The following NDST3 variants were observed in gnomAD, a reference collection of about 807,000 sequenced individuals.
NDST3 encodes the protein bifunctional heparan sulfate N-deacetylase/N-sulfotransferase 3.
In NDST3, 58 loss-of-function variants were observed where a neutral mutation model predicts 96.1. That is an observed-to-expected ratio of 0.60 (90% CI 0.49 to 0.75). The LOEUF is 0.75. Among genes scored for constraint, NDST3 ranks in the 30% least tolerant of loss-of-function variants. The pLI is 0.00. For synonymous variants in NDST3, 333 were observed against 359.7 expected, an observed-to-expected ratio of 0.93 and a Z score of 0.84; for missense variants, 788 against 1,034.2, an observed-to-expected ratio of 0.76 and a Z score of 3.27.
chr4:118,159,975 A>C (rs909239707), intron 6 of NDST3, among the ~76,000 whole-genome samples: 1 of 152,216 alleles, frequency 6.6e-6, no homozygotes, highest in Non-Finnish European at 1.5e-5. Flanking sequence ...AAGAGAAGAA[A>C]GAGAGAACAA....
At chr4:118,199,477 A>C (rs1248414282) in intron 6 of NDST3, among the ~76,000 whole-genome samples, 1 of 152,016 alleles carries the variant, frequency 6.6e-6, no homozygotes, top group African/African-American at 2.4e-5. Context: ...GTTATCTTGA[A>C]TTTCTTTGGG....
At chr4:118,235,125 T>C (rs1298482169) in intron 9 of NDST3, among the ~76,000 whole-genome samples, 4 of 151,988 alleles carry the variant, frequency 2.6e-5, no homozygotes, top group Non-Finnish European at 5.9e-5. Context: ...AAAAATCCCA[T>C]TTTTCAGGTA....
chr4:118,036,380 G>A (rs1724151328), intron 1 of NDST3, among the ~76,000 whole-genome samples: 1 of 152,052 alleles, frequency 6.6e-6, no homozygotes, highest in African/African-American at 2.4e-5. Context: ...TTGAATTAAG[G>A]ATAAAAACAC....
chr4:118,254,546 A>G (rs1173626323), intron 13 of NDST3, among the ~76,000 whole-genome samples: 3 of 152,128 alleles, frequency 2.0e-5, no homozygotes, highest in African/African-American at 7.2e-5. Flanking sequence ...TCTATACCCC[A>G]CATTTTTACT....
intron 2 of NDST3, among the ~76,000 whole-genome samples, chr4:118,070,554 T>A (rs1248365472): frequency 1.3e-5 from 2 of 152,224 alleles, no homozygotes; most frequent in Non-Finnish European, 2.9e-5. Flanking sequence ...TCCATAAGCT[T>A]ACTTTTAATT....
chr4:118,129,853 T>G (rs1732460082), intron 4 of NDST3, among the ~76,000 whole-genome samples: 1 of 152,060 alleles, frequency 6.6e-6, no homozygotes, highest in Non-Finnish European at 1.5e-5. Flanking sequence ...TTTTTTTATA[T>G]AGCTGTGTGC....
intron 2 of NDST3, among the ~76,000 whole-genome samples, chr4:118,061,402 G>A (rs1044315856): frequency 5.3e-5 from 8 of 152,128 alleles, no homozygotes; most frequent in African/African-American, 1.9e-4. Context: ...CACCAATGAT[G>A]TGCTAAAACT....
chr4:118,037,357 C>A (rs1222195004), intron 1 of NDST3, among the ~76,000 whole-genome samples: 1 of 152,098 alleles, frequency 6.6e-6, no homozygotes, highest in Non-Finnish European at 1.5e-5. Flanking sequence ...CTCATATAAT[C>A]TTCACAAAGA....
At chr4:118,148,323 C>T (rs778829008) in intron 6 of NDST3, among the ~76,000 whole-genome samples, 29 of 152,162 alleles carry the variant, frequency 1.9e-4, no homozygotes, top group Non-Finnish European at 2.9e-4. Flanking sequence ...CAATACTACA[C>T]TTGCTTGGAA....
chr4:118,066,079 CATA>C (rs1726296438), intron 2 of NDST3, among the ~76,000 whole-genome samples: 2 of 96,698 alleles, frequency 2.1e-5, no homozygotes, highest in Admixed American at 3.2e-4. Flanking sequence ...TTATATATAA[CATA>C]TTATATATTA....
chr4:118,060,359 A>G (rs907652580), intron 2 of NDST3, among the ~76,000 whole-genome samples: 7 of 152,094 alleles, frequency 4.6e-5, no homozygotes, highest in Admixed American at 1.3e-4. Flanking sequence ...CTTAATGCTA[A>G]TACAGCTATA....
intron 6 of NDST3, among the ~76,000 whole-genome samples, chr4:118,149,946 T>C (rs1410024014): frequency 6.1e-5 from 9 of 148,422 alleles, no homozygotes; most frequent in African/African-American, 2.2e-4. Context: ...ACCTAATTTA[T>C]TGAGAGTTTT....
Position 118,224,717 on chromosome 4 carries a change from A to T in NDST3, c.1722+44A>T, listed in dbSNP as rs983471040. 4.1e-6 allele frequency: 6 copies of T among 1,459,028 alleles called. No individual in the cohort carries two copies. In the South Asian group the frequency reaches 7.8e-5, roughly 19 times the overall value. The allele number at this position is 1,459,028 out of a possible 1,614,324, so 90.4% of individuals were successfully genotyped here. On this transcript the variant is annotated intron_variant, in intron 7 of 13. Transcript: ENST00000296499. ...TTGATATAACCAGTTAATTCCAGGA[A>T]CATAATTCTGTGAGATATCCCAAAT...
intron 9 of NDST3, among the ~76,000 whole-genome samples, chr4:118,235,872 T>C (rs1426994370): frequency 6.6e-6 from 1 of 152,236 alleles, no homozygotes; most frequent in Non-Finnish European, 1.5e-5. Context: ...ATTTCTTTAC[T>C]GCTCTGAATC....
At chr4:118,237,679 A>C (rs1740732657) in intron 10 of NDST3, among the ~76,000 whole-genome samples, 1 of 152,182 alleles carries the variant, frequency 6.6e-6, no homozygotes. Context: ...ACAATATGTA[A>C]ATGCATAAGC....
In NDST3 at chr4:118,200,783, C is replaced by A. The variant is rs556429187; in HGVS notation, c.1540-23708C>A. 1.9e-4 allele frequency among the ~76,000 whole-genome samples: 29 copies of A among 150,764 alleles called. No individual in the cohort carries two copies. The South Asian group carries it at 6.1e-3, about 32-fold the overall frequency. On this transcript the variant is annotated intron_variant, in intron 6 of 13. Transcript: ENST00000296499. Reference sequence around the variant, plus strand: ...AATTTGGAAAGCTTCATTTTCTTTTCTTTTTTTTTAATTTCAACTTTTATT... The same window carrying A: ...AATTTGGAAAGCTTCATTTTCTTTTATTTTTTTTTAATTTCAACTTTTATT...
intron 6 of NDST3, among the ~76,000 whole-genome samples, chr4:118,175,135 T>G (rs917275590): frequency 6.6e-6 from 1 of 152,154 alleles, no homozygotes. Flanking sequence ...CTCCAGTGTT[T>G]ATCCTTGATT....
intron 11 of NDST3, among the ~76,000 whole-genome samples, chr4:118,241,487 C>A (rs1741003764): frequency 8.5e-6 from 1 of 117,660 alleles, no homozygotes; most frequent in African/African-American, 2.8e-5. Flanking sequence ...TGGGTCCACC[C>A]TCCTTGGCAT....
intron 6 of NDST3, among the ~76,000 whole-genome samples, chr4:118,200,557 C>A (rs1314331889): frequency 1.3e-5 from 2 of 152,160 alleles, no homozygotes; most frequent in Admixed American, 1.3e-4. Flanking sequence ...GTAGGGCCTA[C>A]CTTATATAAA....
Sources: gnomAD v4.1 joint callset for allele counts (sites outside exome capture counted in the v4.1 genomes callset) on GRCh38, gnomAD v4.1.1 for gene constraint, MANE v1.5 for transcripts, NCBI Gene and HGNC (gene_info 2026-07-23, HGNC 2026-07-21) for gene names.